Variants in CMSS1 observed in about 807,000 individuals in gnomAD.
CMSS1 encodes the protein cms1 ribosomal small subunit homolog, also known as protein CMSS1.
In CMSS1, 33 loss-of-function variants were observed where a neutral mutation model predicts 43.5. That is an observed-to-expected ratio of 0.76 (90% CI 0.57 to 1.01). The LOEUF (loss-of-function observed/expected upper bound fraction) is 1.01. Among genes scored for constraint, CMSS1 ranks in the 50% least tolerant of loss-of-function variants. CMSS1 has a pLI of 0.00. For synonymous variants in CMSS1, 115 were observed against 117.2 expected (o/e 0.98, Z 0.12); for missense variants, 313 against 326.4 (o/e 0.96, Z 0.32).
intron 1 of CMSS1, among the ~76,000 whole-genome samples, chr3:100,044,094 C>A (rs1271471650): frequency 6.6e-6 from 1 of 152,098 alleles, no homozygotes; most frequent in Non-Finnish European, 1.5e-5. Flanking sequence ...TCCTGCTTTG[C>A]AAGATTTTAA....
At chr3:100,085,188 C>T (rs1284208331) in intron 1 of CMSS1, among the ~76,000 whole-genome samples, 2 of 152,136 alleles carry the variant, frequency 1.3e-5, no homozygotes, top group African/African-American at 4.8e-5. Flanking sequence ...TTAAAAGTAT[C>T]TAAGGTGATT....
intron 1 of CMSS1, among the ~76,000 whole-genome samples, chr3:100,023,784 G>T (rs79906866): frequency 0.065 from 9,866 of 152,144 alleles, 440 homozygotes; most frequent in Middle Eastern, 0.1. Flanking sequence ...CTCCTGCTCT[G>T]CATGTCTTAC....
chr3:99,973,529 A>G (rs535836478), intron 1 of CMSS1, among the ~76,000 whole-genome samples: 6 of 152,292 alleles, frequency 3.9e-5, no homozygotes, highest in African/African-American at 1.4e-4. Flanking sequence ...CTTTATTGCC[A>G]GGTTTTATTG....
intron 1 of CMSS1, among the ~76,000 whole-genome samples, chr3:99,971,132 T>C (rs1316584480): frequency 6.6e-6 from 1 of 152,106 alleles, no homozygotes; most frequent in Non-Finnish European, 1.5e-5. Context: ...GGTCAGGAGA[T>C]CGAGACCATC....
Position 99,833,233 on chromosome 3 carries a change from G to A in CMSS1, c.64+15190G>A, listed in dbSNP as rs377049900. On this transcript the variant is annotated intron_variant, in intron 1 of 9. Coordinates refer to ENST00000421999, the MANE Select transcript of CMSS1 (RefSeq NM_032359.4). ...GCCTTAAAAGTCTGAAGGATGTTGA[G>A]TTCAATGAGGCAGAAGAAGTGGTTC... 2.4e-4 allele frequency: 389 copies of A among 1,611,784 alleles called. No individual in the cohort carries two copies. The highest frequency in any genetic ancestry group is 3.2e-4 in the Non-Finnish European group (373 of 1,178,264).
At chr3:100,086,725 T>C (rs775002481) in intron 1 of CMSS1, among the ~76,000 whole-genome samples, 1 of 152,172 alleles carries the variant, frequency 6.6e-6, no homozygotes, top group Non-Finnish European at 1.5e-5. Context: ...AAAATTTACA[T>C]ATGGTAAAAT....
intron 1 of CMSS1, among the ~76,000 whole-genome samples, chr3:99,896,120 T>C (rs1706243953): frequency 6.6e-6 from 1 of 152,074 alleles, no homozygotes; most frequent in Non-Finnish European, 1.5e-5. Context: ...AAAAGGAAGT[T>C]AAGGGAAAAC....
At chr3:100,107,350 T>A (rs1407230693) in intron 1 of CMSS1, among the ~76,000 whole-genome samples, 1 of 152,184 alleles carries the variant, frequency 6.6e-6, no homozygotes, top group East Asian at 1.9e-4. Context: ...GGGTTTTAAG[T>A]AAACTAAAGT....
At chr3:99,848,350 C>T in intron 1 of CMSS1, 2 of 1,614,106 alleles carry the variant, frequency 1.2e-6, no homozygotes, top group South Asian at 2.2e-5. Context: ...AGTAATACTG[C>T]TGGTGACTTT....
rs149492613 is a variant in CMSS1 at position 100,067,104 on chromosome 3, G to A, written c.65-79869G>A. 6.6e-5 allele frequency among the ~76,000 whole-genome samples: 10 copies of A among 152,262 alleles called. No homozygotes were observed. The East Asian group carries it at 1.4e-3, about 21-fold the overall frequency. On this transcript the variant is annotated intron_variant, in intron 1 of 9. Transcript: ENST00000421999. ...GGCCACTGAGATGCATGTTCCCAGG[G>A]CACCAGTCACCTAGAATACAGGAGT...
At chr3:100,126,657 A>G (rs1050182349) in intron 1 of CMSS1, among the ~76,000 whole-genome samples, 15 of 152,146 alleles carry the variant, frequency 9.9e-5, no homozygotes, top group African/African-American at 3.4e-4. Context: ...TTTTTCTAGA[A>G]TAAGATGATC....
intron 1 of CMSS1, among the ~76,000 whole-genome samples, chr3:99,969,722 A>G (rs1432883495): frequency 6.6e-6 from 1 of 152,132 alleles, no homozygotes; most frequent in African/African-American, 2.4e-5. Context: ...GCCCCACTAG[A>G]TAATTAGTTG....
At chr3:99,836,707 C>G (rs976026319) in intron 1 of CMSS1, among the ~76,000 whole-genome samples, 1 of 152,180 alleles carries the variant, frequency 6.6e-6, no homozygotes, top group African/African-American at 2.4e-5. Context: ...GAACAGCCAC[C>G]TAAGGAGGCA....
Position 99,854,994 on chromosome 3 carries a change from A to G in CMSS1, c.64+36951A>G, listed in dbSNP as rs185638317. ...GGGTGGGCCTCACAATTTGCCTTAT[A>G]ACAAACTCCCAGATGATGTCAAGTC... On this transcript the variant is annotated intron_variant, in intron 1 of 9. Transcript: ENST00000421999. Among the ~76,000 whole-genome samples, 347 of 152,304 alleles carry G rather than the reference A, an allele frequency of 2.3e-3. 10 individuals are homozygous for G. The highest frequency in any genetic ancestry group is 4.3e-4 in the Non-Finnish European group (29 of 68,030).
chr3:99,843,641 A>G (rs1020050186), intron 1 of CMSS1, among the ~76,000 whole-genome samples: 3 of 152,208 alleles, frequency 2.0e-5, no homozygotes, highest in Non-Finnish European at 4.4e-5. Context: ...GGCTTTGCCT[A>G]GCCCACCTTA....
chr3:99,865,554 G>A (rs929449780), intron 1 of CMSS1, among the ~76,000 whole-genome samples: 22 of 152,054 alleles, frequency 1.4e-4, no homozygotes, highest in African/African-American at 5.1e-4. Context: ...AGCAAGTTTC[G>A]TCATTTGGCA....
intron 1 of CMSS1, among the ~76,000 whole-genome samples, chr3:100,046,505 G>T (rs975446067): frequency 3.3e-5 from 5 of 151,758 alleles, no homozygotes; most frequent in African/African-American, 1.2e-4. Context: ...TGTATATACA[G>T]AGATTATAAA....
chr3:99,880,753 A>G (rs1266783663), intron 1 of CMSS1, among the ~76,000 whole-genome samples: 1 of 152,182 alleles, frequency 6.6e-6, no homozygotes, highest in Non-Finnish European at 1.5e-5. Flanking sequence ...AAAGTAAAAA[A>G]TTTTACATGT....
intron 1 of CMSS1, among the ~76,000 whole-genome samples, chr3:99,963,229 A>G (rs1312804429): frequency 6.6e-6 from 1 of 152,228 alleles, no homozygotes; most frequent in Non-Finnish European, 1.5e-5. Flanking sequence ...TAGTTGCCCC[A>G]GAATAGTGTG....
Sources: gnomAD v4.1 joint callset for allele counts (sites outside exome capture counted in the v4.1 genomes callset) on GRCh38, gnomAD v4.1.1 for gene constraint, MANE v1.5 for transcripts, NCBI Gene and HGNC (gene_info 2026-07-23, HGNC 2026-07-21) for gene names.